The following IFNAR2 variants were observed in gnomAD, a reference collection of about 807,000 sequenced individuals.
IFNAR2 encodes the protein interferon alpha/beta receptor 2.
Under a neutral mutation model 49.4 loss-of-function variants are expected in IFNAR2, and 30 were observed. The ratio of observed to expected loss-of-function variants is 0.61; its 90% CI spans 0.45 to 0.82. The LOEUF is 0.82. Among genes scored for constraint, IFNAR2 ranks in the 40% least tolerant of loss-of-function variants. IFNAR2 has a pLI of 0.00. For synonymous variants in IFNAR2, 224 were observed against 234.5 expected (o/e 0.96, Z 0.41); for missense variants, 600 against 622.7 (o/e 0.96, Z 0.39).
rs1248378069 is a variant in IFNAR2, at chr21:33,230,731, C to T, written c.-84+515C>T. 2.0e-5 allele frequency among the ~76,000 whole-genome samples: 3 copies of T among 152,098 alleles called. No individual in the cohort carries two copies. Among genetic ancestry groups the T allele is most frequent in the Non-Finnish European group, 4.4e-5 (3 of 68,010 alleles). ...TCACAGACTGCAGCCGGGGCTGGAGCGGCCTACACCCCTCCGGATCCGCTG... is the reference window on the plus strand; with the variant it reads ...TCACAGACTGCAGCCGGGGCTGGAGTGGCCTACACCCCTCCGGATCCGCTG... On this transcript the variant is annotated intron_variant, in intron 1 of 8. Transcript: ENST00000342136. This position sits in a 1 kb window ranked among gnomAD's most constrained non-coding sequence, Gnocchi z 5.5.
At chr21:33,248,676 ACATATT>A in intron 5 of IFNAR2, 27 bp from the exon 6 acceptor site, 1 of 1,576,184 alleles carries the variant, frequency 6.3e-7, no homozygotes, top group Non-Finnish European at 8.6e-7. Context: ...GGTCTCTGTG[ACATATT>A]CCTGTCTGTT....
chr21:33,256,443 T>A (rs184263496), intron 7 of IFNAR2, among the ~76,000 whole-genome samples: 29 of 152,300 alleles, frequency 1.9e-4, no homozygotes, highest in African/African-American at 6.5e-4. Flanking sequence ...CCATCTGACG[T>A]GCCCTCAACC....
chr21:33,231,168 C>A (rs189922560), intron 1 of IFNAR2, among the ~76,000 whole-genome samples: 1 of 152,272 alleles, frequency 6.6e-6, no homozygotes, highest in East Asian at 1.9e-4. Flanking sequence ...CACTGCTTGC[C>A]AAGGTTTCTC....
rs189307143 is a variant in IFNAR2, at chr21:33,261,990, G to C, written c.841-803G>C. 7.2e-5 allele frequency among the ~76,000 whole-genome samples: 11 copies of C among 152,338 alleles called. No homozygotes were observed. The East Asian group carries it at 2.1e-3, about 29-fold the overall frequency. The stretch of plus-strand genomic sequence containing the variant: ...AGCAGCCTGCCTGGTTTGAAAGGCA[G>C]CTGCTCCCACTCACTAGTCACAAAC... On this transcript the variant is annotated intron_variant, in intron 8 of 8. Transcript: ENST00000342136.
intron 7 of IFNAR2, among the ~76,000 whole-genome samples, chr21:33,254,316 AGACT>A (rs1988066721): frequency 6.6e-6 from 1 of 152,226 alleles, no homozygotes; most frequent in African/African-American, 2.4e-5. Context: ...AGAAACCTTA[AGACT>A]GACAAAAAGA....
chr21:33,235,635 T>TA (rs35990823), intron 1 of IFNAR2, among the ~76,000 whole-genome samples: 7 of 152,028 alleles, frequency 4.6e-5, no homozygotes, highest in Admixed American at 6.5e-5. Context: ...TCATTCTAAG[T>TA]AAAAAAATAG....
intron 8 of IFNAR2, 46 bp downstream of exon 8, chr21:33,260,773 TTA>T: frequency 8.3e-7 from 1 of 1,204,284 alleles, no homozygotes; most frequent in Non-Finnish European, 1.1e-6. Context: ...TCTTTGTTTT[TTA>T]TTTTAACTTA....
At chr21:33,237,150 T>C (rs16990379) in intron 1 of IFNAR2, among the ~76,000 whole-genome samples, 6,037 of 151,228 alleles carry the variant, frequency 0.04, 392 homozygotes, top group African/African-American at 0.14. Context: ...CCTGCAGATA[T>C]ATAACAAAGA....
intron 6 of IFNAR2, among the ~76,000 whole-genome samples, chr21:33,250,227 G>A (rs1266927156): frequency 1.3e-5 from 2 of 152,276 alleles, no homozygotes; most frequent in East Asian, 3.9e-4. Flanking sequence ...GTGGCCTAAG[G>A]ACTATGTGGA....
intron 6 of IFNAR2, chr21:33,251,495 TC>T (rs1987833959): frequency 5.2e-6 from 5 of 952,420 alleles, no homozygotes; most frequent in Non-Finnish European, 6.3e-6. Flanking sequence ...AAGGAATTTT[TC>T]CAAACAGGGA....
Position 33,260,605 on chromosome 21 carries a change from GAATCTGCCAA to G in IFNAR2, c.722_731del (p.Ser241Ter), listed in dbSNP as rs1278750363. ...TAATTTTTCATCAACAGAATCAGCA[GAATCTGCCAA>G]AATAGGAGGAATAATTACTGTGTTT... On this transcript the variant is annotated frameshift_variant, in exon 8 of 9. Coordinates refer to ENST00000342136, the MANE Select transcript of IFNAR2 (RefSeq NM_001289125.3). LOFTEE classifies it high-confidence loss of function. 6.3e-7 allele frequency: 1 copy of G among 1,580,968 alleles called. No homozygotes were observed. The highest frequency in any genetic ancestry group is 8.5e-7 in the Non-Finnish European group (1 of 1,170,924).
At position 33,262,888 on chromosome 21, in the gene IFNAR2, A is replaced by C; in HGVS notation, c.936A>C (p.Lys312Asn). The change falls in exon 9 of 9, where the codon AAA becomes AAC. Residue 312 changes from lysine (K) to asparagine (N), a missense_variant. Lys to Asn is a moderately conservative substitution (Grantham distance 94, BLOSUM62 0). Transcript: ENST00000342136. ...TCATTTACATCAACAGAAAGAAGAA[A>C]GTGTGGGATTATAATTATGATGATG... ...VEVIYINRKK[K>N]VWDYNYDDES... 1 of 1,614,080 alleles carries C rather than the reference A, an allele frequency of 6.2e-7. No individual in the cohort carries two copies. Among genetic ancestry groups the C allele is most frequent in the South Asian group, 1.1e-5 (1 of 91,078 alleles).
chr21:33,245,189 C>T lies in IFNAR2; in HGVS notation c.221+115C>T, dbSNP rs371704639. The T allele has an allele frequency of 6.3e-4, 473 of 748,846 alleles. 2 individuals are homozygous for T. The African/African-American group carries it at 7.0e-3, about 11-fold the overall frequency. 46.4% of individuals were successfully genotyped at this position (748,846 alleles called of 1,614,324 possible). On this transcript the variant is annotated intron_variant, in intron 4 of 8. Transcript: ENST00000342136. The stretch of plus-strand genomic sequence containing the variant: ...CTCTCCCTTTTCCTATCTACCTCTC[C>T]TTCTCTCTGCGTTTCTTATTCAGAG...
chr21:33,233,748 A>G (rs1420501886), intron 1 of IFNAR2, among the ~76,000 whole-genome samples: 2 of 152,202 alleles, frequency 1.3e-5, no homozygotes, highest in African/African-American at 4.8e-5. Context: ...TCCAGGAAAT[A>G]GCAAATTAAG....
At chr21:33,235,888 C>G (rs1427833430) in intron 1 of IFNAR2, among the ~76,000 whole-genome samples, 2 of 152,026 alleles carry the variant, frequency 1.3e-5, no homozygotes, top group African/African-American at 4.8e-5. Flanking sequence ...GTTTGCGCCA[C>G]TGCACTCCAG....
Position 33,260,647 on chromosome 21 carries a change from G to A in IFNAR2, c.760G>A (p.Ala254Thr), listed in dbSNP as rs371848732. ...AGGAATAATTACTGTGTTTTTGATA[G>A]CATTGGTCTTGACAAGCACCATAGT... ...IGGIITVFLIALVLTSTIVTL... is the reference protein window; with the variant it reads ...IGGIITVFLITLVLTSTIVTL... Residue 254 changes from alanine to threonine, a missense_variant, in exon 8 of 9, where the codon GCA becomes ACA. Transcript: ENST00000342136. The A allele has an allele frequency of 8.1e-6, 13 of 1,601,682 alleles. 1 individual carries two copies. The South Asian group carries it at 1.3e-4, about 15-fold the overall frequency.
chr21:33,253,468 G>A (rs772442353), intron 7 of IFNAR2, among the ~76,000 whole-genome samples: 1 of 152,156 alleles, frequency 6.6e-6, no homozygotes, highest in Non-Finnish European at 1.5e-5. Context: ...CCAAAAGTGA[G>A]AAGCTATGCA....
At chr21:33,262,463 T>C (rs1044231472) in intron 8 of IFNAR2, 2 of 626,954 alleles carry the variant, frequency 3.2e-6, no homozygotes, top group African/African-American at 3.6e-5. Context: ...GCCCAGCATA[T>C]AGTAAGCATG....
intron 2 of IFNAR2, 132 bp from the exon 3 acceptor site, chr21:33,243,540 AT>A: frequency 3.2e-5 from 25 of 787,224 alleles, no homozygotes; most frequent in Middle Eastern, 2.9e-4. Flanking sequence ...CTATGTGGGC[AT>A]TTTTTTGGCA....
Sources: allele counts gnomAD v4.1 joint callset (sites outside exome capture counted in the v4.1 genomes callset), GRCh38; gene constraint gnomAD v4.1.1; non-coding constraint Gnocchi (gnomAD v3.1); transcripts MANE v1.5; gene names NCBI Gene and HGNC (gene_info 2026-07-23, HGNC 2026-07-21).